The following GFM2 variants were observed in gnomAD, a reference collection of about 807,000 sequenced individuals.
GFM2 encodes the protein ribosome-releasing factor 2, mitochondrial.
A neutral mutation model predicts 95.4 loss-of-function variants in GFM2; 72 were observed. The ratio of observed to expected loss-of-function variants is 0.76; its 90% CI spans 0.62 to 0.92. The LOEUF (loss-of-function observed/expected upper bound fraction) is 0.92. Ranked by LOEUF, GFM2 falls within the 40% of genes least tolerant of loss-of-function variation. The probability of loss-of-function intolerance (pLI) is 0.00; values close to 1 mark genes in which losing one functional copy is unlikely to be tolerated. For synonymous variants in GFM2, 276 were observed against 317.5 expected, an observed-to-expected ratio of 0.87 and a Z score of 1.39; for missense variants, 825 against 924.1, an observed-to-expected ratio of 0.89 and a Z score of 1.39.
In GFM2 at chr5:74,741,971, T is replaced by C. The variant is rs1014825364; in HGVS notation, c.850-362A>G. On this transcript the variant is annotated intron_variant, in intron 10 of 20. Transcript: ENST00000296805. ...AGATAAATCTGGAGGTTTTAGTTTA[T>C]AAAAAAGTTTCATCTGGTTTTCCTC... 2.3e-4 allele frequency: 37 copies of C among 157,458 alleles called. 1 individual carries two copies. The highest frequency in any genetic ancestry group is 2.2e-3 in the South Asian group (11 of 4,940). The allele number at this position is 157,458 out of a possible 1,614,324, so 9.8% of individuals were successfully genotyped here. A position where few individuals can be genotyped will look rare whatever the true frequency, so the allele number is the denominator to read the frequency against.
chr5:74,764,778 G>GTTTTTTTTTTTTTTT (rs757160377), intron 1 of GFM2, among the ~76,000 whole-genome samples: 1 of 70,488 alleles, frequency 1.4e-5, no homozygotes, highest in African/African-American at 6.4e-5. Flanking sequence ...TCCCTTTGTT[G>GTTTTTTTTTTTTTTT]TTTTTTTTTT....
At chr5:74,727,270 AGAGT>A (rs1206835428) in intron 17 of GFM2, among the ~76,000 whole-genome samples, 2 of 152,166 alleles carry the variant, frequency 1.3e-5, no homozygotes, top group Admixed American at 1.3e-4. Flanking sequence ...ACTACTAAAG[AGAGT>A]ATTACCAATA....
At chr5:74,727,097 G>T (rs765215880) in intron 17 of GFM2, among the ~76,000 whole-genome samples, 1 of 152,176 alleles carries the variant, frequency 6.6e-6, no homozygotes, top group Non-Finnish European at 1.5e-5. Flanking sequence ...GAGCCCAGGA[G>T]TTCAAGGCTA....
chr5:74,745,792 A>G lies in GFM2; in HGVS notation c.735T>C (p.Leu245=), dbSNP rs1233618150. The G allele has an allele frequency of 1.9e-6, 3 of 1,613,590 alleles. No individual in the cohort carries two copies. Among genetic ancestry groups the G allele is most frequent in the South Asian group, 2.2e-5 (2 of 91,066 alleles). The stretch of plus-strand genomic sequence containing the variant: ...TTCCATCATTTGAATTGCAATTCCA[A>G]AGAAGTTTTTCTTTCATTACTACAT... ...VVDVVMKEKL[L]WNCNSNDGKD... The change falls in exon 10 of 21, where the codon CTT becomes CTC. Residue 245 remains leucine (L), a synonymous_variant. Coordinates refer to ENST00000296805, the MANE Select transcript of GFM2 (RefSeq NM_032380.5).
chr5:74,733,322 C>A, intron 15 of GFM2: 52 of 298,384 alleles, frequency 1.7e-4, no homozygotes, highest in East Asian at 2.5e-4. Flanking sequence ...GAAACCCCGT[C>A]TTTACAAAAA....
chr5:74,761,101 T>A, intron 2 of GFM2, 115 bp from the exon 3 acceptor site: 1 of 620,982 alleles, frequency 1.6e-6, no homozygotes. Flanking sequence ...AGCTTTAAAG[T>A]AGTCCTAATT....
rs1414071271 is a variant in GFM2, at chr5:74,725,740, G to A, written c.1928C>T (p.Ser643Phe). The A allele has an allele frequency of 6.2e-7, 1 of 1,612,880 alleles. No homozygotes were observed. Among genetic ancestry groups the A allele is most frequent in the East Asian group, 2.2e-5 (1 of 44,858 alleles). ...AGTAATTGCTACATCCTGAATTGGG[G>A]ATCCAAGCAATGGTCCTAGACAAGG... ...SACLQGPLLGSPIQDVAITLH... is the reference protein window; with the variant it reads ...SACLQGPLLGFPIQDVAITLH... Residue 643 changes from serine to phenylalanine, a missense_variant, in exon 19 of 21, where the codon TCC (serine) becomes TTC (phenylalanine). Ser to Phe is a radical substitution (Grantham distance 155). Coordinates refer to ENST00000296805, the MANE Select transcript of GFM2 (RefSeq NM_032380.5).
intron 11 of GFM2, among the ~76,000 whole-genome samples, chr5:74,740,706 G>C (rs1363579707): frequency 1.3e-5 from 2 of 152,084 alleles, no homozygotes; most frequent in African/African-American, 4.8e-5. Context: ...TGTGAAGATA[G>C]GGTACAATAA....
intron 3 of GFM2, among the ~76,000 whole-genome samples, chr5:74,760,142 T>C (rs1038834212): frequency 6.6e-6 from 1 of 152,178 alleles, no homozygotes; most frequent in African/African-American, 2.4e-5. Context: ...CATGTTTCTA[T>C]AATACAAAAA....
At chr5:74,736,645 T>C in intron 15 of GFM2, 151 bp downstream of exon 15, 1 of 1,449,622 alleles carries the variant, frequency 6.9e-7, no homozygotes, top group Non-Finnish European at 9.1e-7. Context: ...CAAAACATCT[T>C]AAAAAACAAG....
intron 1 of GFM2, among the ~76,000 whole-genome samples, chr5:74,766,445 T>C (rs1209114361): frequency 6.6e-6 from 1 of 152,242 alleles, no homozygotes; most frequent in Non-Finnish European, 1.5e-5. Context: ...TTAAGGGAAC[T>C]TCTGCAACTG....
In GFM2 at chr5:74,736,507, T is replaced by C. The variant is rs139000966; in HGVS notation, c.1510+289A>G. The C allele has an allele frequency of 2.5e-5, 25 of 985,062 alleles. No individual in the cohort carries two copies. The East Asian group carries it at 1.2e-3, about 49-fold the overall frequency. The allele number at this position is 985,062 out of a possible 1,614,324, so 61.0% of individuals were successfully genotyped here. ...TCAGTTACTGTCTAATCTAATATAC[T>C]AGAAGGGCAGTTCTAAGGCCAATTA... On this transcript the variant is annotated intron_variant, in intron 15 of 20. Coordinates refer to ENST00000296805, the MANE Select transcript of GFM2 (RefSeq NM_032380.5).
intron 3 of GFM2, among the ~76,000 whole-genome samples, chr5:74,760,651 AC>A (rs1219095536): frequency 5.3e-5 from 8 of 152,328 alleles, no homozygotes; most frequent in Non-Finnish European, 8.8e-5. Context: ...AAACTTGCAA[AC>A]TAGCTACTAA....
chr5:74,734,312 A>G (rs950668650), intron 15 of GFM2, among the ~76,000 whole-genome samples: 1 of 152,126 alleles, frequency 6.6e-6, no homozygotes, highest in African/African-American at 2.4e-5. Flanking sequence ...TAATATTTTG[A>G]TATATTATGA....
intron 2 of GFM2, among the ~76,000 whole-genome samples, chr5:74,762,908 C>A (rs1744355118): frequency 6.6e-6 from 1 of 152,186 alleles, no homozygotes; most frequent in African/African-American, 2.4e-5. Flanking sequence ...AATTTTCAGA[C>A]CACAGTTGAC....
At position 74,738,381 on chromosome 5, in the gene GFM2, G is replaced by A. The variant is rs1226449455; in HGVS notation, c.1257C>T (p.Asp419=). 1 of 1,613,586 alleles carries A rather than the reference G, an allele frequency of 6.2e-7. No individual in the cohort carries two copies. Among genetic ancestry groups the A allele is most frequent in the South Asian group, 1.1e-5 (1 of 91,042 alleles). ...TCAATGAAGGGATTTCTACATGTTG[G>A]TCAGCAAACGGCAAAAGCAGACGAC... ...RISRLLLPFA[D]QHVEIPSLTA... The change falls in exon 14 of 21, where the codon GAC becomes GAT. Residue 419 remains aspartate, a synonymous_variant. Transcript: ENST00000296805.
chr5:74,740,246 C>T (rs1018561256), intron 11 of GFM2, 109 bp from the exon 12 acceptor site: 1 of 721,742 alleles, frequency 1.4e-6, no homozygotes, highest in African/African-American at 1.9e-5. Context: ...CTCCTCATCA[C>T]ACCTTCATCA....
At chr5:74,742,537 T>C (rs1178911452) in intron 10 of GFM2, among the ~76,000 whole-genome samples, 1 of 152,234 alleles carries the variant, frequency 6.6e-6, no homozygotes, top group Non-Finnish European at 1.5e-5. Flanking sequence ...TAGTGTATAA[T>C]AAGTATTAGC....
At chr5:74,741,672 C>G (rs531485121) in intron 10 of GFM2, 63 bp from the exon 11 acceptor site, 1 of 839,558 alleles carries the variant, frequency 1.2e-6, no homozygotes, top group East Asian at 2.6e-5. Flanking sequence ...TTAATTTGTC[C>G]AAACACCATA....
Sources: allele counts gnomAD v4.1 joint callset (sites outside exome capture counted in the v4.1 genomes callset), GRCh38; gene constraint gnomAD v4.1.1; transcripts MANE v1.5; gene names NCBI Gene and HGNC (gene_info 2026-07-23, HGNC 2026-07-21).